Variants in TAS2R1 observed in about 807,000 individuals in gnomAD.
TAS2R1 encodes taste 2 receptor member 1.
For synonymous variants in TAS2R1, 141 were observed against 134.2 expected (o/e 1.05, Z -0.35); for missense variants, 370 against 353.4 (o/e 1.05, Z -0.38).
chr5:9,663,947 T>G (rs1227685948), intron 1 of TAS2R1, among the ~76,000 whole-genome samples: 1 of 152,132 alleles, frequency 6.6e-6, no homozygotes, highest in Non-Finnish European at 1.5e-5. Flanking sequence ...TCCCAGAAGC[T>G]AGGCAGAGGC....
At chr5:9,833,408 C>A in the TAS2R1 span, among the ~76,000 whole-genome samples, 2 of 152,174 alleles carry the variant, frequency 1.3e-5, no homozygotes, top group Non-Finnish European at 2.9e-5. Context: ...ATAACTGTAA[C>A]TTTTCAACGC....
the TAS2R1 span, among the ~76,000 whole-genome samples, chr5:9,830,078 A>G: frequency 1.3e-5 from 2 of 152,230 alleles, no homozygotes; most frequent in African/African-American, 4.8e-5. Flanking sequence ...GCATTTTTGC[A>G]TAGACCACCC....
At chr5:9,889,163 G>T in the TAS2R1 span, among the ~76,000 whole-genome samples, 1 of 152,210 alleles carries the variant, frequency 6.6e-6, no homozygotes, top group Non-Finnish European at 1.5e-5. Context: ...GCTACTGAAA[G>T]GGGGTCGGAG....
chr5:9,778,901 T>G, the TAS2R1 span, among the ~76,000 whole-genome samples: 7 of 152,244 alleles, frequency 4.6e-5, no homozygotes, highest in Admixed American at 4.6e-4. Flanking sequence ...GTGGCACTTT[T>G]AATGTCCTCC....
At chr5:9,659,435 A>G (rs1374910987) in exon 2 of TAS2R1, 2 of 152,096 alleles carry the variant, frequency 1.3e-5, no homozygotes, top group Non-Finnish European at 2.9e-5. Flanking sequence ...CTCACTAGGA[A>G]CAATCCGCTC....
At chr5:9,859,755 T>C in the TAS2R1 span, among the ~76,000 whole-genome samples, 3 of 152,166 alleles carry the variant, frequency 2.0e-5, no homozygotes, top group Non-Finnish European at 2.9e-5. Flanking sequence ...CAAACATGCT[T>C]CAACAACAGG....
At chr5:9,828,469 G>A in the TAS2R1 span, among the ~76,000 whole-genome samples, 1 of 152,106 alleles carries the variant, frequency 6.6e-6, no homozygotes, top group Non-Finnish European at 1.5e-5. Context: ...AGGAATTACG[G>A]CATTTTAAGT....
Position 9,629,841 on chromosome 5 carries a change from G to A in TAS2R1, c.192C>T (p.Tyr64=), listed in dbSNP as rs139834398. 44 of 1,613,562 alleles carry A rather than the reference G, an allele frequency of 2.7e-5. No individual in the cohort carries two copies. Among genetic ancestry groups the A allele is most frequent in the African/African-American group, 4.0e-5 (3 of 74,800 alleles). Residue 64 remains tyrosine (Y), a synonymous_variant, in exon 1 of 1, where the codon TAC becomes TAT. Coordinates refer to ENST00000382492, the MANE Select transcript of TAS2R1 (RefSeq NM_019599.3). Reference sequence around the variant, plus strand: ...TGAAGAAGATAACAATCACATTAACGTAGAAGATGAACAACTGCAGAAAAA... The same window carrying A: ...TGAAGAAGATAACAATCACATTAACATAGAAGATGAACAACTGCAGAAAAA... ...SRIFLQLFIF[Y]VNVIVIFFIE... is the part of the protein sequence containing the mutation.
chr5:9,794,495 T>C, the TAS2R1 span, among the ~76,000 whole-genome samples: 1 of 152,198 alleles, frequency 6.6e-6, no homozygotes, highest in Non-Finnish European at 1.5e-5. Context: ...AATCAACAAA[T>C]ATTAATAAAC....
chr5:9,899,412 A>G, the TAS2R1 span, among the ~76,000 whole-genome samples: 3 of 152,152 alleles, frequency 2.0e-5, no homozygotes, highest in African/African-American at 4.8e-5. Context: ...TGAGGTGGGC[A>G]GATCACCTGA....
At chr5:9,717,514 A>T in the TAS2R1 span, among the ~76,000 whole-genome samples, 1 of 152,288 alleles carries the variant, frequency 6.6e-6, no homozygotes, top group Non-Finnish European at 1.5e-5. Flanking sequence ...AGAAAACAAC[A>T]CACAAGAATA....
Position 9,628,114 on chromosome 5 carries a change from T to C in TAS2R1, c.*1019A>G, listed in dbSNP as rs1554051332. 6.7e-6 allele frequency among the ~76,000 whole-genome samples: 1 copy of C among 149,754 alleles called. No individual in the cohort carries two copies. The highest frequency in any genetic ancestry group is 6.8e-5 in the Admixed American group (1 of 14,754). On this transcript the variant is annotated 3_prime_UTR_variant, in exon 1 of 1. Coordinates refer to ENST00000382492, the MANE Select transcript of TAS2R1 (RefSeq NM_019599.3). The stretch of plus-strand genomic sequence containing the variant: ...GCTGTTTTGGAAATATACAAGTATA[T>C]CTATCTCCATAATTTATCTATCTAT...
At chr5:9,661,540 G>A (rs567383326) in intron 1 of TAS2R1, among the ~76,000 whole-genome samples, 14 of 152,258 alleles carry the variant, frequency 9.2e-5, no homozygotes, top group South Asian at 6.2e-4. Context: ...TTCCAACATC[G>A]CAATCTGGTT....
At chr5:9,654,301 T>C (rs1014487126) in intron 2 of TAS2R1, among the ~76,000 whole-genome samples, 6 of 152,118 alleles carry the variant, frequency 3.9e-5, no homozygotes, top group Non-Finnish European at 7.4e-5. Context: ...AATAAGAATA[T>C]TTTGTGCTGT....
chr5:9,653,917 G>A (rs1227102248), intron 2 of TAS2R1, among the ~76,000 whole-genome samples: 1 of 152,088 alleles, frequency 6.6e-6, no homozygotes, highest in Non-Finnish European at 1.5e-5. Flanking sequence ...TGCAGGTAAG[G>A]TTACAGCTGG....
the TAS2R1 span, among the ~76,000 whole-genome samples, chr5:9,804,381 C>T: frequency 5.3e-5 from 8 of 151,998 alleles, no homozygotes; most frequent in African/African-American, 1.7e-4. Context: ...AATCATACCC[C>T]ACAACAAATG....
chr5:9,899,593 C>T, the TAS2R1 span, among the ~76,000 whole-genome samples: 6,081 of 149,760 alleles, frequency 0.041, 128 homozygotes, highest in South Asian at 0.08. Context: ...GCCCAGATCG[C>T]GCCACTGCAC....
the TAS2R1 span, among the ~76,000 whole-genome samples, chr5:9,770,162 A>T: frequency 6.6e-6 from 1 of 152,152 alleles, no homozygotes. Flanking sequence ...TTTATTGAAG[A>T]GATTATCCTT....
At chr5:9,756,587 A>G in the TAS2R1 span, among the ~76,000 whole-genome samples, 2 of 152,252 alleles carry the variant, frequency 1.3e-5, no homozygotes, top group Admixed American at 1.3e-4. Context: ...AGAAATACAT[A>G]GCACATAAAA....
Sources: gnomAD v4.1 joint callset for allele counts (sites outside exome capture counted in the v4.1 genomes callset) on GRCh38, gnomAD v4.1.1 for gene constraint, MANE v1.5 for transcripts, NCBI Gene and HGNC (gene_info 2026-07-23, HGNC 2026-07-21) for gene names.